Variants in NALF1 observed in about 807,000 individuals in gnomAD.
NALF1 encodes NALCN channel auxiliary factor 1, also known as family with sequence similarity 155 member A.
NALF1 carries 3 observed loss-of-function variants against 48.4 expected under a neutral mutation model. The observed-to-expected ratio is 0.06, with a 90% CI of 0.03 to 0.16. The LOEUF (loss-of-function observed/expected upper bound fraction) is 0.16. Ranked by LOEUF, NALF1 falls within the 10% of genes least tolerant of loss-of-function variation. The pLI is 1.00. For missense variants in NALF1, 526 were observed against 571.5 expected (o/e 0.92, Z 0.81); for synonymous variants, 262 against 245.7 (o/e 1.07, Z -0.62).
At chr13:107,637,889 C>T (rs978612348) in intron 1 of NALF1, among the ~76,000 whole-genome samples, 1 of 152,048 alleles carries the variant, frequency 6.6e-6, no homozygotes, top group African/African-American at 2.4e-5. Context: ...ATTTTCCTTA[C>T]TTGTCTAATG....
At chr13:107,352,902 G>A (rs537033359) in intron 1 of NALF1, among the ~76,000 whole-genome samples, 15 of 152,204 alleles carry the variant, frequency 9.9e-5, no homozygotes, top group East Asian at 3.9e-4. Context: ...TAGGAATCTC[G>A]TCACATAACC....
At chr13:107,350,292 A>G (rs1882850591) in intron 1 of NALF1, among the ~76,000 whole-genome samples, 1 of 150,116 alleles carries the variant, frequency 6.7e-6, no homozygotes, top group South Asian at 2.1e-4. Flanking sequence ...TTGTGTAATA[A>G]TATTTTAACT....
At chr13:107,472,800 T>C (rs1009235415) in intron 1 of NALF1, among the ~76,000 whole-genome samples, 2 of 152,146 alleles carry the variant, frequency 1.3e-5, no homozygotes, top group Non-Finnish European at 2.9e-5. Flanking sequence ...GCTCCTCAGC[T>C]TGCACACGGC....
At chr13:107,394,506 G>A (rs1054333866) in intron 1 of NALF1, among the ~76,000 whole-genome samples, 3 of 152,254 alleles carry the variant, frequency 2.0e-5, no homozygotes, top group Non-Finnish European at 2.9e-5. Context: ...GTAAACTGGG[G>A]CCATCACAGG....
At chr13:107,215,525 T>C (rs1255980919) in intron 1 of NALF1, among the ~76,000 whole-genome samples, 3 of 152,080 alleles carry the variant, frequency 2.0e-5, no homozygotes, top group African/African-American at 7.2e-5. Flanking sequence ...TTTTAAAGCT[T>C]TGGTTATAAC....
At chr13:107,330,498 T>A (rs2138923532) in intron 1 of NALF1, among the ~76,000 whole-genome samples, 1 of 152,320 alleles carries the variant, frequency 6.6e-6, no homozygotes, top group Admixed American at 6.5e-5. Context: ...TGGTAGCTAT[T>A]AAAGTAGTTT....
chr13:107,825,193 A>G (rs1005228768), intron 1 of NALF1, among the ~76,000 whole-genome samples: 1 of 152,196 alleles, frequency 6.6e-6, no homozygotes, highest in Non-Finnish European at 1.5e-5. Context: ...TGTTTTTTTT[A>G]TGTGATAGGT....
chr13:107,707,090 T>G (rs1305203516), intron 1 of NALF1, among the ~76,000 whole-genome samples: 1 of 151,128 alleles, frequency 6.6e-6, no homozygotes, highest in Non-Finnish European at 1.5e-5. Context: ...GCCCGGCTAA[T>G]TTTTTGTATT....
intron 1 of NALF1, among the ~76,000 whole-genome samples, chr13:107,691,552 A>G (rs755024385): frequency 3.3e-5 from 5 of 152,318 alleles, no homozygotes; most frequent in Non-Finnish European, 7.3e-5. Context: ...TCTTAACACC[A>G]TATGTTCAAA....
intron 1 of NALF1, among the ~76,000 whole-genome samples, chr13:107,802,774 G>A (rs1039542728): frequency 2.0e-5 from 3 of 152,032 alleles, no homozygotes; most frequent in South Asian, 4.1e-4. Context: ...AAAAATTGCT[G>A]AACGTGGTAG....
chr13:107,517,048 T>C (rs1240683490), intron 1 of NALF1, among the ~76,000 whole-genome samples: 3 of 152,200 alleles, frequency 2.0e-5, no homozygotes, highest in Non-Finnish European at 2.9e-5. Flanking sequence ...AGATGGTCCT[T>C]ACTATTTGTA....
chr13:107,434,725 T>C (rs1466731049), intron 1 of NALF1, among the ~76,000 whole-genome samples: 1 of 152,218 alleles, frequency 6.6e-6, no homozygotes, highest in African/African-American at 2.4e-5. Flanking sequence ...CTTAAAAGAC[T>C]GTAATATCCT....
intron 1 of NALF1, among the ~76,000 whole-genome samples, chr13:107,234,973 C>T (rs1880311569): frequency 6.6e-6 from 1 of 152,132 alleles, no homozygotes; most frequent in East Asian, 1.9e-4. Context: ...ACCGCCTCTC[C>T]ACCTCCTTCA....
At chr13:107,610,484 T>A (rs2138431708) in intron 1 of NALF1, among the ~76,000 whole-genome samples, 1 of 152,330 alleles carries the variant, frequency 6.6e-6, no homozygotes, top group South Asian at 2.1e-4. Context: ...GAGCATTTTG[T>A]CATTTATAAA....
At chr13:107,542,206 T>C (rs763702887) in intron 1 of NALF1, among the ~76,000 whole-genome samples, 16 of 152,090 alleles carry the variant, frequency 1.1e-4, no homozygotes, top group African/African-American at 1.7e-4. Context: ...GGAAGCATTG[T>C]GCTAAGTGAA....
chr13:107,346,750 TTA>T (rs1344605239), intron 1 of NALF1, among the ~76,000 whole-genome samples: 19 of 152,186 alleles, frequency 1.2e-4, no homozygotes, highest in Admixed American at 1.2e-3. Flanking sequence ...GACAGTAAAT[TTA>T]TGTTATTTGT....
intron 1 of NALF1, among the ~76,000 whole-genome samples, chr13:107,773,419 A>T (rs1317675438): frequency 1.3e-5 from 2 of 152,166 alleles, no homozygotes; most frequent in African/African-American, 4.8e-5. Context: ...GCTAGACCTC[A>T]AGTTATTATG....
chr13:107,478,050 G>A (rs551179081), intron 1 of NALF1, among the ~76,000 whole-genome samples: 9 of 152,166 alleles, frequency 5.9e-5, no homozygotes, highest in South Asian at 4.1e-4. Context: ...TGCTCTCTGC[G>A]TTTAAAACTC....
intron 1 of NALF1, among the ~76,000 whole-genome samples, chr13:107,679,386 A>G (rs1259948043): frequency 6.6e-6 from 1 of 152,210 alleles, no homozygotes; most frequent in East Asian, 1.9e-4. Flanking sequence ...TTAGCATATA[A>G]TAGTTGCTCA....
Sources: gnomAD v4.1 joint callset for allele counts (sites outside exome capture counted in the v4.1 genomes callset) on GRCh38, gnomAD v4.1.1 for gene constraint, MANE v1.5 for transcripts, NCBI Gene and HGNC (gene_info 2026-07-23, HGNC 2026-07-21) for gene names.